Variants in IL20RB observed in about 807,000 individuals in gnomAD.
The protein encoded by IL20RB is interleukin-20 receptor subunit beta.
In IL20RB, 21 loss-of-function variants were observed where a neutral mutation model predicts 33.3. That is an observed-to-expected ratio of 0.63 (90% CI 0.45 to 0.91). The LOEUF (loss-of-function observed/expected upper bound fraction) is 0.91. Among genes scored for constraint, IL20RB ranks in the 40% least tolerant of loss-of-function variants. IL20RB has a pLI of 0.00. For synonymous variants in IL20RB, 147 were observed against 146.8 expected, an observed-to-expected ratio of 1.00 and a Z score of -0.01; for missense variants, 345 against 384.8, an observed-to-expected ratio of 0.90 and a Z score of 0.86.
In IL20RB at chr3:136,982,364, C is replaced by G. The variant is rs760073482; in HGVS notation, c.406+14C>G. 6 of 1,542,942 alleles carry G rather than the reference C, an allele frequency of 3.9e-6. No individual in the cohort carries two copies. The highest frequency in any genetic ancestry group is 3.5e-5 in the South Asian group (3 of 84,582). On this transcript the variant is annotated intron_variant, in intron 3 of 6. Transcript: ENST00000329582. ...ATAGAAACTCAAGTAAGGCACTTCTCTCCTTACACTCCCACCCCAACCAGC... is the reference window on the plus strand; with the variant it reads ...ATAGAAACTCAAGTAAGGCACTTCTGTCCTTACACTCCCACCCCAACCAGC...
At chr3:137,008,544 T>G (rs934269373) in intron 6 of IL20RB, among the ~76,000 whole-genome samples, 1 of 152,214 alleles carries the variant, frequency 6.6e-6, no homozygotes, top group African/African-American at 2.4e-5. Flanking sequence ...AAATTAGTTC[T>G]AAACTGTGGG....
intron 2 of IL20RB, 73 bp downstream of exon 2, chr3:136,980,665 G>A (rs776008802): frequency 9.4e-5 from 148 of 1,566,984 alleles, no homozygotes; most frequent in Non-Finnish European, 1.3e-4. Context: ...CCTTCCTCCT[G>A]AGCCCAAGGT....
intron 3 of IL20RB, among the ~76,000 whole-genome samples, chr3:136,983,017 G>A (rs112689133): frequency 2.4e-4 from 37 of 152,246 alleles, no homozygotes; most frequent in African/African-American, 7.0e-4. Flanking sequence ...ATGTGGTGAA[G>A]GGCTTTGACA....
intron 6 of IL20RB, among the ~76,000 whole-genome samples, chr3:137,000,991 C>T (rs1399526539): frequency 6.6e-6 from 1 of 152,126 alleles, no homozygotes; most frequent in Non-Finnish European, 1.5e-5. Flanking sequence ...GGTAAAGAGA[C>T]AGGGAAAGAA....
At chr3:136,992,712 AATT>A (rs2108210296) in intron 5 of IL20RB, among the ~76,000 whole-genome samples, 2 of 152,146 alleles carry the variant, frequency 1.3e-5, no homozygotes, top group East Asian at 3.9e-4. Flanking sequence ...TAAAAAGACG[AATT>A]ATTATCTTAA....
At chr3:136,985,337 C>CTT (rs35515236) in intron 3 of IL20RB, among the ~76,000 whole-genome samples, 19 of 137,278 alleles carry the variant, frequency 1.4e-4, no homozygotes, top group African/African-American at 3.8e-4. Context: ...CTCTCTCTCT[C>CTT]TTTTTTTTTT....
chr3:136,971,317 G>A (rs199627401), intron 1 of IL20RB, among the ~76,000 whole-genome samples: 1 of 152,162 alleles, frequency 6.6e-6, no homozygotes, highest in Admixed American at 6.5e-5. Flanking sequence ...TTTTAGTAGA[G>A]ATGGGATTTC....
chr3:136,962,588 C>A (rs1941251446), intron 1 of IL20RB, among the ~76,000 whole-genome samples: 1 of 151,968 alleles, frequency 6.6e-6, no homozygotes, highest in East Asian at 1.9e-4. Flanking sequence ...CCCGTCTTTA[C>A]TAAAAATACA....
chr3:137,003,279 T>C (rs966500774), intron 6 of IL20RB, among the ~76,000 whole-genome samples: 8 of 152,354 alleles, frequency 5.3e-5, no homozygotes, highest in Middle Eastern at 3.4e-3. Flanking sequence ...ATATGAATTT[T>C]AAAGTAATTT....
intron 6 of IL20RB, among the ~76,000 whole-genome samples, chr3:136,998,131 T>C (rs1942171485): frequency 4.2e-5 from 1 of 23,678 alleles, no homozygotes; most frequent in Admixed American, 5.3e-4. Context: ...TTTCTTTTCT[T>C]TTTTTTTTTT....
intron 1 of IL20RB, among the ~76,000 whole-genome samples, chr3:136,978,231 T>A (rs1399015855): frequency 6.6e-6 from 1 of 151,266 alleles, no homozygotes; most frequent in African/African-American, 2.4e-5. Flanking sequence ...AATGGCTTGA[T>A]CTTGGCTCAC....
At chr3:136,997,431 G>A (rs556624374) in intron 6 of IL20RB, among the ~76,000 whole-genome samples, 5 of 152,080 alleles carry the variant, frequency 3.3e-5, no homozygotes, top group East Asian at 3.9e-4. Context: ...AATGTATTTC[G>A]AGGCTCTGTT....
intron 1 of IL20RB, among the ~76,000 whole-genome samples, chr3:136,963,614 T>C (rs1332736650): frequency 7.9e-5 from 12 of 152,070 alleles, no homozygotes; most frequent in African/African-American, 2.9e-4. Context: ...ATTTTTAGAT[T>C]GGATTGTTTG....
chr3:136,989,374 C>G (rs1472044533), intron 3 of IL20RB, 67 bp from the exon 4 acceptor site: 1 of 1,584,684 alleles, frequency 6.3e-7, no homozygotes, highest in African/African-American at 1.3e-5. Context: ...ATGACCCGGT[C>G]ATTGTGTTCC....
chr3:136,977,123 A>G (rs1577017267), intron 1 of IL20RB, among the ~76,000 whole-genome samples: 1 of 152,324 alleles, frequency 6.6e-6, no homozygotes, highest in East Asian at 1.9e-4. Flanking sequence ...AATGTATTCA[A>G]AGTGTGACTG....
chr3:137,009,038 C>T (rs1055589314), intron 6 of IL20RB, among the ~76,000 whole-genome samples: 1 of 152,198 alleles, frequency 6.6e-6, no homozygotes, highest in East Asian at 1.9e-4. Flanking sequence ...CACTAACACC[C>T]CCGCTTAGTG....
chr3:136,966,260 C>T (rs1384899303), intron 1 of IL20RB, among the ~76,000 whole-genome samples: 1 of 120,816 alleles, frequency 8.3e-6, no homozygotes, highest in Non-Finnish European at 1.7e-5. Context: ...GGAATAGTTT[C>T]AGAAGGAATG....
At chr3:136,971,121 CTAACTA>C (rs1941471086) in intron 1 of IL20RB, among the ~76,000 whole-genome samples, 1 of 152,082 alleles carries the variant, frequency 6.6e-6, no homozygotes, top group African/African-American at 2.4e-5. Flanking sequence ...TTTATTCCTT[CTAACTA>C]TATGTTTTGT....
intron 1 of IL20RB, among the ~76,000 whole-genome samples, chr3:136,961,676 A>G (rs1941219636): frequency 6.6e-6 from 1 of 152,172 alleles, no homozygotes; most frequent in Non-Finnish European, 1.5e-5. Flanking sequence ...TGGAAAAACT[A>G]GTGAAATTCA....
Sources: gnomAD v4.1 joint callset for allele counts (sites outside exome capture counted in the v4.1 genomes callset) on GRCh38, gnomAD v4.1.1 for gene constraint, MANE v1.5 for transcripts, NCBI Gene and HGNC (gene_info 2026-07-23, HGNC 2026-07-21) for gene names.